The following GUCA1C variants were observed in gnomAD, a reference collection of about 807,000 sequenced individuals.
GUCA1C encodes guanylate cyclase activator 1C, also known as guanylyl cyclase-activating protein 3.
GUCA1C carries 15 observed loss-of-function variants against 16.2 expected under a neutral mutation model. The observed-to-expected ratio is 0.93, with a 90% CI of 0.62 to 1.43. GUCA1C has a LOEUF of 1.43. Among genes scored for constraint, GUCA1C ranks in the 40% most tolerant of loss-of-function variants. The pLI is 0.00. For missense variants in GUCA1C, 275 were observed against 244.8 expected (o/e 1.12, Z -0.82); for synonymous variants, 78 against 85.4 (o/e 0.91, Z 0.48).
chr3:108,939,365 T>C (rs1946762953), intron 1 of GUCA1C, among the ~76,000 whole-genome samples: 1 of 126,526 alleles, frequency 7.9e-6, no homozygotes, highest in Admixed American at 8.4e-5. Flanking sequence ...GGAATCTTGC[T>C]CTGTCACCCA....
rs1267943770 is a variant in GUCA1C, at chr3:108,953,546, T to C, written c.204+13A>G. The C allele has an allele frequency of 4.6e-6, 7 of 1,530,926 alleles. No individual in the cohort carries two copies. The highest frequency in any genetic ancestry group is 6.3e-6 in the Non-Finnish European group (7 of 1,106,128). The allele number at this position is 1,530,926 out of a possible 1,614,324, so 94.8% of individuals were successfully genotyped here. A position where few individuals can be genotyped will look rare whatever the true frequency, so the allele number is the denominator to read the frequency against. ...CAGCATTTTCAAATGAAATGAAAAATGAAAGATCTTACCTTGTTCGTGTCA... is the reference window on the plus strand; with the variant it reads ...CAGCATTTTCAAATGAAATGAAAAACGAAAGATCTTACCTTGTTCGTGTCA... On this transcript the variant is annotated intron_variant, in intron 1 of 3. Coordinates refer to ENST00000261047, the MANE Select transcript of GUCA1C (RefSeq NM_005459.4).
intron 1 of GUCA1C, among the ~76,000 whole-genome samples, chr3:108,951,470 C>G (rs532814414): frequency 2.6e-5 from 4 of 151,822 alleles, no homozygotes; most frequent in African/African-American, 7.3e-5. Context: ...TATAAAAACA[C>G]AAAGAAAAAA....
chr3:108,925,639 T>C (rs1366981164), intron 1 of GUCA1C, among the ~76,000 whole-genome samples: 4 of 152,222 alleles, frequency 2.6e-5, no homozygotes, highest in South Asian at 2.1e-4. Flanking sequence ...GTTAAGTCCA[T>C]TTGTTCTAGG....
intron 3 of GUCA1C, among the ~76,000 whole-genome samples, chr3:108,914,537 A>G (rs1946487180): frequency 6.6e-6 from 1 of 152,180 alleles, no homozygotes; most frequent in African/African-American, 2.4e-5. Flanking sequence ...GTTCATGGAT[A>G]TTATTAAACA....
chr3:108,913,441 C>G (rs1576543463), intron 3 of GUCA1C, among the ~76,000 whole-genome samples: 1 of 151,822 alleles, frequency 6.6e-6, no homozygotes, highest in East Asian at 1.9e-4. Context: ...AAATGAAGCA[C>G]TTCATATTAT....
chr3:108,920,033 G>A (rs535184799), intron 2 of GUCA1C, among the ~76,000 whole-genome samples: 1 of 152,076 alleles, frequency 6.6e-6, no homozygotes, highest in Non-Finnish European at 1.5e-5. Context: ...CTTCAGTATA[G>A]CTCCCAGAAA....
At chr3:108,927,278 C>T (rs1946631346) in intron 1 of GUCA1C, among the ~76,000 whole-genome samples, 2 of 152,190 alleles carry the variant, frequency 1.3e-5, no homozygotes, top group Non-Finnish European at 2.9e-5. Context: ...TCTAAATCTC[C>T]AGCAAGGCTG....
intron 1 of GUCA1C, among the ~76,000 whole-genome samples, chr3:108,923,088 G>A (rs762779041): frequency 5.9e-5 from 9 of 152,150 alleles, no homozygotes; most frequent in Non-Finnish European, 8.8e-5. Context: ...TTCGTCGAAT[G>A]TACAGATTGT....
Position 108,916,115 on chromosome 3 carries a change from T to C in GUCA1C, c.442+12A>G, listed in dbSNP as rs201266111. ...GTAGGAAAAGTGATCCAGTAGAGAG[T>C]AGCTCCATTACCATCATTGTTTATA... On this transcript the variant is annotated intron_variant, in intron 3 of 3. Transcript: ENST00000261047. 1.1e-3 allele frequency: 1,852 copies of C among 1,612,392 alleles called. 2 individuals carry two copies. Among genetic ancestry groups the C allele is most frequent in the Middle Eastern group, 4.8e-3 (29 of 6,060 alleles).
At chr3:108,933,047 A>C (rs997283622) in intron 1 of GUCA1C, among the ~76,000 whole-genome samples, 1 of 151,994 alleles carries the variant, frequency 6.6e-6, no homozygotes, top group Non-Finnish European at 1.5e-5. Context: ...ATTTCTTCAC[A>C]ACACCCCCTT....
At position 108,919,381 on chromosome 3, in the gene GUCA1C, G is replaced by A. The variant is rs146426271; in HGVS notation, c.354+1055C>T. Among the ~76,000 whole-genome samples the A allele has an allele frequency of 1.5e-3, 226 of 152,088 alleles. 1 individual carries two copies. The highest frequency in any genetic ancestry group is 0.013 in the East Asian group (65 of 5,182). On this transcript the variant is annotated intron_variant, in intron 2 of 3. Transcript: ENST00000261047. ...TAAGAGAATATTTTAAAATTTACAC[G>A]AGGTTGTGTATTCTCTATAGAATAT... is the stretch of plus-strand genomic sequence containing the variant.
intron 1 of GUCA1C, among the ~76,000 whole-genome samples, chr3:108,923,425 T>C (rs1180863708): frequency 6.6e-6 from 1 of 152,208 alleles, no homozygotes; most frequent in East Asian, 1.9e-4. Context: ...CCCCACTTTA[T>C]GTTTTTGTTT....
intron 3 of GUCA1C, 143 bp from the exon 4 acceptor site, chr3:108,908,352 TAAACA>T (rs1946412651): frequency 5.8e-6 from 2 of 345,798 alleles, no homozygotes; most frequent in African/African-American, 5.6e-5. Context: ...GATCTTCATT[TAAACA>T]AAAAAAAAAA....
chr3:108,914,551 TTGACC>T (rs1415055485), intron 3 of GUCA1C, among the ~76,000 whole-genome samples: 1 of 152,344 alleles, frequency 6.6e-6, no homozygotes, highest in Non-Finnish European at 1.5e-5. Flanking sequence ...TTAAACATTC[TTGACC>T]TGCCCTTTTG....
Position 108,953,587 on chromosome 3 carries a change from T to C in GUCA1C, c.176A>G (p.Gln59Arg). ...GTTCGTGTCAAAGGTATTATAAACTTGATCAATATGTTTATTGGCCTTCTG... is the reference window on the plus strand; with the variant it reads ...GTTCGTGTCAAAGGTATTATAAACTCGATCAATATGTTTATTGGCCTTCTG... ...LNQKANKHID[Q>R]VYNTFDTNKD... The change falls in exon 1 of 4, where the codon CAA (glutamine) becomes CGA (arginine). Residue 59 changes from glutamine (Q) to arginine (R), a missense_variant. Coordinates refer to ENST00000261047, the MANE Select transcript of GUCA1C (RefSeq NM_005459.4). 1 of 1,610,958 alleles carries C rather than the reference T, an allele frequency of 6.2e-7. No individual in the cohort carries two copies. Among genetic ancestry groups the C allele is most frequent in the Non-Finnish European group, 8.5e-7 (1 of 1,177,102 alleles).
intron 3 of GUCA1C, among the ~76,000 whole-genome samples, chr3:108,914,336 T>C (rs1409032519): frequency 6.6e-6 from 1 of 152,182 alleles, no homozygotes; most frequent in African/African-American, 2.4e-5. Flanking sequence ...CGATTCCTTA[T>C]ACTTTGCCCT....
chr3:108,923,864 C>T (rs541855646), intron 1 of GUCA1C, among the ~76,000 whole-genome samples: 38 of 152,182 alleles, frequency 2.5e-4, no homozygotes, highest in Admixed American at 1.6e-3. Context: ...AGAGGTGTTT[C>T]GACTCCTTGG....
chr3:108,937,131 CTTG>C (rs1946734959), intron 1 of GUCA1C, among the ~76,000 whole-genome samples: 1 of 152,152 alleles, frequency 6.6e-6, no homozygotes, highest in South Asian at 2.1e-4. Context: ...CTCAACTGAC[CTTG>C]TTGTTAATCT....
intron 1 of GUCA1C, among the ~76,000 whole-genome samples, chr3:108,939,419 C>G (rs962093480): frequency 4.2e-5 from 6 of 144,444 alleles, no homozygotes; most frequent in African/African-American, 1.5e-4. Flanking sequence ...CTCCGCCTCC[C>G]GGGTTCAAGA....
Sources: allele counts gnomAD v4.1 joint callset (sites outside exome capture counted in the v4.1 genomes callset), GRCh38; gene constraint gnomAD v4.1.1; transcripts MANE v1.5; gene names NCBI Gene and HGNC (gene_info 2026-07-23, HGNC 2026-07-21).